Variants in IL16 observed in about 807,000 individuals in gnomAD.
The protein encoded by IL16 is pro-interleukin-16.
In IL16, 67 loss-of-function variants were observed where a neutral mutation model predicts 110.1. The ratio of observed to expected loss-of-function variants is 0.61; its 90% CI spans 0.50 to 0.75. The LOEUF (loss-of-function observed/expected upper bound fraction) is 0.75, where lower values mean the gene tolerates loss of function less well. Among genes scored for constraint, IL16 ranks in the 30% least tolerant of loss-of-function variants. IL16 has a pLI of 0.00. For missense variants in IL16, 1,545 were observed against 1,655.0 expected, an observed-to-expected ratio of 0.93 and a Z score of 1.15; for synonymous variants, 689 against 662.9, an observed-to-expected ratio of 1.04 and a Z score of -0.61.
intron 9 of IL16, among the ~76,000 whole-genome samples, chr15:81,283,510 A>C (rs1899290568): frequency 6.6e-6 from 1 of 152,208 alleles, no homozygotes. Context: ...GACCTGCTGA[A>C]CGAGGACCTG....
intron 1 of IL16, among the ~76,000 whole-genome samples, chr15:81,205,621 C>T (rs905335522): frequency 3.3e-5 from 5 of 151,844 alleles, no homozygotes; most frequent in African/African-American, 4.8e-5. Context: ...AAAAACAAAA[C>T]ATGTGAGAAG....
At chr15:81,298,162 G>A (rs1309164769) in intron 13 of IL16, among the ~76,000 whole-genome samples, 1 of 152,234 alleles carries the variant, frequency 6.6e-6, no homozygotes, top group Non-Finnish European at 1.5e-5. Flanking sequence ...ATTCAAAAAT[G>A]CAGAAACAGG....
chr15:81,188,237 G>A (rs1310135159), intron 1 of IL16: 1 of 437,340 alleles, frequency 2.3e-6, no homozygotes, highest in South Asian at 1.6e-5. Context: ...GTAGTGTCGG[G>A]CAGATGTGCT....
rs1393996602 is a variant in IL16 at position 81,305,952 on chromosome 15, T to C, written c.3465T>C (p.Thr1155=). ...ATGGGCTGGCCTCCCAGGAAGGGAC[T>C]ATTCAGAAGGGCAATGAGGTTCTTT... ...FPNGLASQEG[T]IQKGNEVLSI... is the part of the protein sequence containing the mutation. The change falls in exon 17 of 19, where the codon ACT becomes ACC. Residue 1155 remains threonine (T), a synonymous_variant. Transcript: ENST00000683961. The C allele has an allele frequency of 6.2e-7, 1 of 1,614,248 alleles. No homozygotes were observed. The highest frequency in any genetic ancestry group is 8.5e-7 in the Non-Finnish European group (1 of 1,180,042).
chr15:81,190,953 A>C (rs373365522), intron 1 of IL16, among the ~76,000 whole-genome samples: 2 of 152,226 alleles, frequency 1.3e-5, no homozygotes, highest in South Asian at 4.1e-4. Context: ...GGATAAGTAC[A>C]TGCTCTTATA....
At chr15:81,220,911 A>T (rs1356116307) in intron 1 of IL16, among the ~76,000 whole-genome samples, 1 of 152,126 alleles carries the variant, frequency 6.6e-6, no homozygotes. Flanking sequence ...TTTAAAGGAG[A>T]GGAACTATCC....
intron 3 of IL16, 112 bp from the exon 4 acceptor site, chr15:81,265,547 G>T (rs1020168822): frequency 1.7e-6 from 2 of 1,184,346 alleles, no homozygotes; most frequent in Non-Finnish European, 2.4e-6. Context: ...GGTGTTAAGT[G>T]GTTTACAGTC....
Position 81,313,305 on chromosome 15 carries a change from G to T in IL16, c.*4507G>T, listed in dbSNP as rs1171321965. 17 of 1,580,638 alleles carry T rather than the reference G, an allele frequency of 1.1e-5. No homozygotes were observed. Among genetic ancestry groups the T allele is most frequent in the Non-Finnish European group, 1.5e-5 (17 of 1,164,022 alleles). On this transcript the variant is annotated 3_prime_UTR_variant, in exon 19 of 19. Coordinates refer to ENST00000683961, the MANE Select transcript of IL16 (RefSeq NM_172217.5). ...TTTCTGAAGGTTGGCATAAAACCGGGTCATGCTGCGGGGGAAGAAGGAGTC... is the reference window on the plus strand; with the variant it reads ...TTTCTGAAGGTTGGCATAAAACCGGTTCATGCTGCGGGGGAAGAAGGAGTC...
At chr15:81,220,140 T>C (rs1167161589) in intron 1 of IL16, among the ~76,000 whole-genome samples, 1 of 152,076 alleles carries the variant, frequency 6.6e-6, no homozygotes, top group African/African-American at 2.4e-5. Flanking sequence ...CTATTAAAGA[T>C]ACTTCTTTTT....
At chr15:81,255,049 A>G (rs1412809002) in intron 2 of IL16, among the ~76,000 whole-genome samples, 3 of 152,010 alleles carry the variant, frequency 2.0e-5, no homozygotes, top group East Asian at 3.9e-4. Flanking sequence ...TGCTGGTCTC[A>G]TGACCCTTTC....
Position 81,285,654 on chromosome 15 carries a change from T to G in IL16, c.1200-44T>G, listed in dbSNP as rs753478894. 3.7e-6 allele frequency: 6 copies of G among 1,608,384 alleles called. No individual in the cohort carries two copies. The African/African-American group carries it at 8.0e-5, about 21-fold the overall frequency. ...CTGGGGCAGTGACTGTTCAAATGTCTCATTGATTCACTTACTGATGGCTTC... is the reference window on the plus strand; with the variant it reads ...CTGGGGCAGTGACTGTTCAAATGTCGCATTGATTCACTTACTGATGGCTTC... On this transcript the variant is annotated intron_variant, in intron 9 of 18. Coordinates refer to ENST00000683961, the MANE Select transcript of IL16 (RefSeq NM_172217.5).
chr15:81,304,731 T>C (rs1046104390), intron 16 of IL16, among the ~76,000 whole-genome samples: 6 of 152,308 alleles, frequency 3.9e-5, no homozygotes, highest in Middle Eastern at 3.4e-3. Context: ...TCCTCTAGCA[T>C]TGAGGAACCT....
intron 2 of IL16, among the ~76,000 whole-genome samples, chr15:81,248,193 C>A (rs1193954710): frequency 2.0e-5 from 3 of 152,116 alleles, no homozygotes; most frequent in African/African-American, 7.2e-5. Context: ...TCTACCTTGT[C>A]TATAAAGTGG....
At position 81,301,479 on chromosome 15, in the gene IL16, G is replaced by C; in HGVS notation, c.3285G>C (p.Glu1095Asp). Residue 1095 changes from glutamate to aspartate, a missense_variant, in exon 15 of 19, where the codon GAG becomes GAC. Physicochemically the swap from Glu to Asp is conservative, Grantham distance 45. Around this residue, in one of 3 missense-constraint regions of IL16, gnomAD observed 356 missense variants for 399.3 expected, o/e 0.89. Coordinates refer to ENST00000683961, the MANE Select transcript of IL16 (RefSeq NM_172217.5). ...CAGAAGAATTAAAAAAACTCATCGA[G>C]GAGGTGAAGGTTCTGGATGAAGCAA... is the stretch of plus-strand genomic sequence containing the variant. ...LSSEELKKLI[E>D]EVKVLDEATL... 6.2e-7 allele frequency: 1 copy of C among 1,614,062 alleles called. No homozygotes were observed. Among genetic ancestry groups the C allele is most frequent in the Non-Finnish European group, 8.5e-7 (1 of 1,179,978 alleles).
chr15:81,187,806 G>A (rs1433755026), intron 1 of IL16, among the ~76,000 whole-genome samples: 1 of 152,228 alleles, frequency 6.6e-6, no homozygotes, highest in African/African-American at 2.4e-5. Flanking sequence ...ACCTCATGAT[G>A]AGTTCAAGTG....
In IL16 at chr15:81,313,111, T is replaced by G. The variant is rs1189272452; in HGVS notation, c.*4313T>G. 1 of 1,005,478 alleles carries G rather than the reference T, an allele frequency of 9.9e-7. No individual in the cohort carries two copies. Among genetic ancestry groups the G allele is most frequent in the African/African-American group, 1.7e-5 (1 of 58,944 alleles). 62.3% of individuals were successfully genotyped at this position (1,005,478 alleles called of 1,614,324 possible). Reference sequence around the variant, plus strand: ...AGGAAGGGTGGGCTGCCGCCTCTGGTTGGCATTCTCAGAGATGCGCAGTCC... The same window carrying G: ...AGGAAGGGTGGGCTGCCGCCTCTGGGTGGCATTCTCAGAGATGCGCAGTCC... On this transcript the variant is annotated 3_prime_UTR_variant, in exon 19 of 19. Coordinates refer to ENST00000683961, the MANE Select transcript of IL16 (RefSeq NM_172217.5).
rs201212250 is a variant in IL16 at position 81,285,805 on chromosome 15, T to C, written c.1307T>C (p.Ile436Thr). 41 of 1,614,220 alleles carry C rather than the reference T, an allele frequency of 2.5e-5. No homozygotes were observed. Among genetic ancestry groups the C allele is most frequent in the Admixed American group, 8.3e-5 (5 of 60,022 alleles). Residue 436 changes from isoleucine (I) to threonine (T), a missense_variant, in exon 10 of 19, where the codon ATT (isoleucine) becomes ACT (threonine). Physicochemically the swap from Ile to Thr is moderately conservative, Grantham distance 89. Coordinates refer to ENST00000683961, the MANE Select transcript of IL16 (RefSeq NM_172217.5). ...TGTGATCCCGGTCCAGTCCCCATCATTGTTAGCCGACATCCAGACCCACAG... is the reference window on the plus strand; with the variant it reads ...TGTGATCCCGGTCCAGTCCCCATCACTGTTAGCCGACATCCAGACCCACAG... ...SHCDPGPVPI[I>T]VSRHPDPQVS...
At chr15:81,267,467 C>CACACAT (rs1180610714) in intron 4 of IL16, among the ~76,000 whole-genome samples, 33 of 134,438 alleles carry the variant, frequency 2.5e-4, no homozygotes, top group African/African-American at 9.7e-4. Flanking sequence ...CATACGCAGA[C>CACACAT]ACACATACAC....
intron 2 of IL16, among the ~76,000 whole-genome samples, chr15:81,254,204 C>T (rs1897867610): frequency 6.6e-6 from 1 of 152,178 alleles, no homozygotes; most frequent in Non-Finnish European, 1.5e-5. Context: ...CCAGAAGCAT[C>T]AGGCTTCTGT....
Sources: gnomAD v4.1 joint callset for allele counts (sites outside exome capture counted in the v4.1 genomes callset) on GRCh38, gnomAD v4.1.1 for gene constraint, gnomAD v4.1.1 regional missense constraint, MANE v1.5 for transcripts, NCBI Gene and HGNC (gene_info 2026-07-23, HGNC 2026-07-21) for gene names.